PHACTR1: variants seen among roughly 807,000 people sequenced by gnomAD.
PHACTR1 encodes the protein RPEL repeat containing 1.
Under a neutral mutation model 69.2 loss-of-function variants are expected in PHACTR1, and 16 were observed. The observed-to-expected ratio is 0.23, with a 90% CI of 0.16 to 0.35. The LOEUF is 0.35. PHACTR1 is among the 10% of genes least tolerant of loss of function. The pLI is 1.00. For missense variants in PHACTR1, 510 were observed against 734.7 expected (o/e 0.69, Z 3.54); for synonymous variants, 312 against 284.5 (o/e 1.10, Z -0.97).
intron 4 of PHACTR1, among the ~76,000 whole-genome samples, chr6:12,846,065 A>AAAAC (rs36100593): frequency 0.013 from 1,900 of 151,672 alleles, 14 homozygotes; most frequent in Non-Finnish European, 0.016. Flanking sequence ...CATTTCTTTA[A>AAAAC]AAACAAACAA....
Position 12,881,959 on chromosome 6 carries a change from G to A in PHACTR1, c.250+132169G>A, listed in dbSNP as rs535721963. ...TCAGAGAGGTGGGAAATGAACCAGG[G>A]TACAGAAGTGTCCTGAAGACCAAGG... On this transcript the variant is annotated intron_variant, in intron 4 of 14. Coordinates refer to ENST00000332995, the MANE Select transcript of PHACTR1 (RefSeq NM_030948.6). Among the ~76,000 whole-genome samples the A allele has an allele frequency of 6.8e-4, 103 of 152,244 alleles. 1 individual carries two copies. Among genetic ancestry groups the A allele is most frequent in the South Asian group, 3.9e-3 (19 of 4,812 alleles).
chr6:13,069,694 T>C (rs771461816), intron 5 of PHACTR1, among the ~76,000 whole-genome samples: 10 of 152,204 alleles, frequency 6.6e-5, no homozygotes, highest in Non-Finnish European at 1.2e-4. Context: ...TAGAATGTGC[T>C]TCAACAATGT....
intron 4 of PHACTR1, among the ~76,000 whole-genome samples, chr6:12,983,374 T>C (rs1795745272): frequency 6.6e-6 from 1 of 152,134 alleles, no homozygotes; most frequent in Non-Finnish European, 1.5e-5. Context: ...ATGAAAGATT[T>C]GAAGACATGG....
At chr6:12,979,997 C>T (rs1452441993) in intron 4 of PHACTR1, among the ~76,000 whole-genome samples, 2 of 152,148 alleles carry the variant, frequency 1.3e-5, no homozygotes, top group East Asian at 3.9e-4. Flanking sequence ...AATTAGCATG[C>T]TTTGTTAGCC....
intron 5 of PHACTR1, among the ~76,000 whole-genome samples, chr6:13,133,882 G>A (rs895917230): frequency 6.6e-6 from 1 of 151,850 alleles, no homozygotes; most frequent in Non-Finnish European, 1.5e-5. Context: ...TCCCGTCTAG[G>A]AAGTGAGGAG....
chr6:12,783,896 T>G (rs1405567432), intron 4 of PHACTR1, among the ~76,000 whole-genome samples: 1 of 152,120 alleles, frequency 6.6e-6, no homozygotes, highest in African/African-American at 2.4e-5. Context: ...AAAGGGAAGA[T>G]CAACACAAGA....
At chr6:12,994,667 C>A (rs148497875) in intron 4 of PHACTR1, among the ~76,000 whole-genome samples, 1 of 151,936 alleles carries the variant, frequency 6.6e-6, no homozygotes, top group Admixed American at 6.5e-5. Flanking sequence ...GGCTTAAGAG[C>A]GCTCAGTCTG....
At chr6:13,106,879 A>G (rs886192975) in intron 5 of PHACTR1, among the ~76,000 whole-genome samples, 1 of 152,162 alleles carries the variant, frequency 6.6e-6, no homozygotes, top group Non-Finnish European at 1.5e-5. Flanking sequence ...CATGACCGTG[A>G]TAAACACCAG....
chr6:13,225,509 G>A (rs1312660207), intron 8 of PHACTR1, among the ~76,000 whole-genome samples: 8 of 152,182 alleles, frequency 5.3e-5, no homozygotes, highest in Non-Finnish European at 1.2e-4. Flanking sequence ...CGCTGCCCAT[G>A]TATCTTTGAA....
intron 4 of PHACTR1, among the ~76,000 whole-genome samples, chr6:12,900,832 G>A (rs181657942): frequency 2.2e-4 from 34 of 152,030 alleles, no homozygotes; most frequent in East Asian, 3.9e-4. Flanking sequence ...GTGTGTTTTC[G>A]TTTTAACTCG....
intron 8 of PHACTR1, among the ~76,000 whole-genome samples, chr6:13,211,604 T>C (rs1227514413): frequency 6.6e-6 from 1 of 152,210 alleles, no homozygotes; most frequent in Non-Finnish European, 1.5e-5. Context: ...CTTCACACTT[T>C]CAGTCGCTCA....
At chr6:12,759,647 G>A (rs1767810099) in intron 4 of PHACTR1, among the ~76,000 whole-genome samples, 1 of 151,918 alleles carries the variant, frequency 6.6e-6, no homozygotes, top group African/African-American at 2.4e-5. Context: ...CAGTCAGAAG[G>A]AAAAAAATGA....
At chr6:13,072,297 G>A (rs568230289) in intron 5 of PHACTR1, among the ~76,000 whole-genome samples, 1 of 152,292 alleles carries the variant, frequency 6.6e-6, no homozygotes, top group Admixed American at 6.5e-5. Flanking sequence ...CATTTAACTT[G>A]TTTGTCACCA....
chr6:12,749,943 C>T (rs1212669536), intron 4 of PHACTR1, among the ~76,000 whole-genome samples, 153 bp downstream of exon 4: 1 of 152,114 alleles, frequency 6.6e-6, no homozygotes, highest in African/African-American at 2.4e-5. Flanking sequence ...GCGCAGAGGG[C>T]GTGTGTGCGA....
intron 4 of PHACTR1, among the ~76,000 whole-genome samples, chr6:12,951,243 G>A (rs1004024248): frequency 1.3e-5 from 2 of 152,148 alleles, no homozygotes; most frequent in African/African-American, 2.4e-5. Flanking sequence ...GAAACTGTCC[G>A]CTTTGCTCAG....
At chr6:12,934,558 G>A (rs913419279) in intron 4 of PHACTR1, among the ~76,000 whole-genome samples, 2 of 152,120 alleles carry the variant, frequency 1.3e-5, no homozygotes, top group Non-Finnish European at 2.9e-5. Flanking sequence ...TAGTAGGGCC[G>A]GGTGTGGTGG....
At chr6:12,858,519 G>A (rs904477060) in intron 4 of PHACTR1, among the ~76,000 whole-genome samples, 1 of 152,084 alleles carries the variant, frequency 6.6e-6, no homozygotes, top group Non-Finnish European at 1.5e-5. Flanking sequence ...AGGTTGGGGT[G>A]CAGTGGCTCA....
chr6:12,928,262 A>T (rs982798056), intron 4 of PHACTR1, among the ~76,000 whole-genome samples: 2 of 152,174 alleles, frequency 1.3e-5, no homozygotes, highest in Non-Finnish European at 2.9e-5. Flanking sequence ...GAAGGGCAAG[A>T]TCTCTTTCCA....
intron 4 of PHACTR1, among the ~76,000 whole-genome samples, chr6:12,791,160 T>G (rs1475739098): frequency 1.3e-5 from 2 of 152,122 alleles, no homozygotes; most frequent in Non-Finnish European, 2.9e-5. Flanking sequence ...TACAAAATGC[T>G]ATGGGAACAC....
Sources: allele counts gnomAD v4.1 joint callset (sites outside exome capture counted in the v4.1 genomes callset), GRCh38; gene constraint gnomAD v4.1.1; transcripts MANE v1.5; gene names NCBI Gene and HGNC (gene_info 2026-07-23, HGNC 2026-07-21).